Variants in SNX9 observed in about 807,000 individuals in gnomAD.
SNX9 encodes the protein sorting nexin-9.
In SNX9, 44 loss-of-function variants were observed where a neutral mutation model predicts 89.4. The ratio of observed to expected loss-of-function variants is 0.49; its 90% CI spans 0.39 to 0.63. The LOEUF (loss-of-function observed/expected upper bound fraction) is 0.63. Among genes scored for constraint, SNX9 ranks in the 30% least tolerant of loss-of-function variants. SNX9 has a pLI of 0.00. For missense variants in SNX9, 578 were observed against 736.1 expected (o/e 0.79, Z 2.49); for synonymous variants, 236 against 247.8 (o/e 0.95, Z 0.45).
intron 1 of SNX9, chr6:157,830,623 A>C (rs1001681627): frequency 3.9e-5 from 6 of 152,204 alleles, no homozygotes; most frequent in African/African-American, 9.7e-5. Context: ...ATGATGTTCT[A>C]CATCTGTGCC....
intron 9 of SNX9, among the ~76,000 whole-genome samples, chr6:157,915,899 C>T (rs2115186299): frequency 6.7e-6 from 1 of 150,094 alleles, no homozygotes; most frequent in African/African-American, 2.4e-5. Flanking sequence ...TTTAAATTTC[C>T]ATTTTCTAGT....
intron 1 of SNX9, among the ~76,000 whole-genome samples, chr6:157,855,899 G>C (rs1782000402): frequency 6.6e-6 from 1 of 152,134 alleles, no homozygotes; most frequent in South Asian, 2.1e-4. Flanking sequence ...ACCACGCCAA[G>C]CTAATATTTT....
At chr6:157,894,156 C>G (rs1782926232) in intron 4 of SNX9, among the ~76,000 whole-genome samples, 1 of 126,516 alleles carries the variant, frequency 7.9e-6, no homozygotes, top group South Asian at 2.6e-4. Flanking sequence ...GTCGCCCAGT[C>G]TGGAGTGCAG....
chr6:157,861,438 C>T (rs555432102), intron 1 of SNX9, among the ~76,000 whole-genome samples: 33 of 152,292 alleles, frequency 2.2e-4, no homozygotes, highest in African/African-American at 7.0e-4. Flanking sequence ...AGAAAGCGTG[C>T]TCATCAGGCT....
intron 5 of SNX9, among the ~76,000 whole-genome samples, chr6:157,898,340 G>A (rs889183384): frequency 8.5e-5 from 13 of 152,208 alleles, no homozygotes; most frequent in African/African-American, 2.7e-4. Flanking sequence ...CAGAATGGGC[G>A]GTGGAGGCTG....
intron 3 of SNX9, among the ~76,000 whole-genome samples, chr6:157,873,389 A>G (rs1457118626): frequency 6.6e-6 from 1 of 150,392 alleles, no homozygotes; most frequent in African/African-American, 2.4e-5. Flanking sequence ...ATGACTACAG[A>G]TATTTAGGTT....
In SNX9 at chr6:157,906,120, A is replaced by T; in HGVS notation, c.621-8A>T. ...TTAAGACTGATGAACATTTATATTCATGATTAGATTTCCTGGATTTGCGAA... is the reference window on the plus strand; with the variant it reads ...TTAAGACTGATGAACATTTATATTCTTGATTAGATTTCCTGGATTTGCGAA... On this transcript the variant is annotated splice_polypyrimidine_tract_variant and splice_region_variant and intron_variant, in intron 6 of 17. Transcript: ENST00000392185. 2 of 1,608,846 alleles carry T rather than the reference A, an allele frequency of 1.2e-6. No homozygotes were observed. Among genetic ancestry groups the T allele is most frequent in the Non-Finnish European group, 8.5e-7 (1 of 1,177,626 alleles).
chr6:157,899,812 T>C (rs1783056194), intron 5 of SNX9, among the ~76,000 whole-genome samples: 1 of 152,136 alleles, frequency 6.6e-6, no homozygotes, highest in African/African-American at 2.4e-5. Flanking sequence ...TACAGCGTGA[T>C]GTTGTAATAT....
intron 2 of SNX9, among the ~76,000 whole-genome samples, chr6:157,867,874 G>C (rs544572803): frequency 9.9e-5 from 15 of 152,250 alleles, no homozygotes; most frequent in Middle Eastern, 6.8e-3. Context: ...AGACAGTTAT[G>C]TATGTAATTG....
intron 1 of SNX9, among the ~76,000 whole-genome samples, chr6:157,852,511 C>T (rs1250440469): frequency 6.6e-6 from 1 of 152,180 alleles, no homozygotes; most frequent in Admixed American, 6.5e-5. Context: ...TCAAATACTA[C>T]AGCACCTCAC....
At chr6:157,881,748 A>G (rs1022566585) in intron 4 of SNX9, among the ~76,000 whole-genome samples, 2 of 152,246 alleles carry the variant, frequency 1.3e-5, no homozygotes, top group Non-Finnish European at 2.9e-5. Context: ...CCTAATGCAG[A>G]GCAAGGTCTT....
At chr6:157,929,705 T>G (rs1334450839) in intron 12 of SNX9, among the ~76,000 whole-genome samples, 1 of 152,342 alleles carries the variant, frequency 6.6e-6, no homozygotes, top group East Asian at 1.9e-4. Context: ...GTTCTTGTAA[T>G]GATTTTTTTA....
At chr6:157,903,528 G>A (rs940151480) in intron 6 of SNX9, among the ~76,000 whole-genome samples, 2 of 152,154 alleles carry the variant, frequency 1.3e-5, no homozygotes, top group African/African-American at 4.8e-5. Flanking sequence ...TTTCAGTCAT[G>A]GTCAGTAGTG....
At chr6:157,928,551 A>C in intron 11 of SNX9, 48 bp from the exon 12 acceptor site, 1 of 1,449,778 alleles carries the variant, frequency 6.9e-7, no homozygotes, top group African/African-American at 1.4e-5. Context: ...TCCCCACAGC[A>C]GTGCTGTTTC....
chr6:157,915,913 G>GGA (rs1783459719), intron 9 of SNX9, among the ~76,000 whole-genome samples: 1 of 149,698 alleles, frequency 6.7e-6, no homozygotes, highest in Non-Finnish European at 1.5e-5. Flanking sequence ...TTCTAGTTAT[G>GGA]TATTGCATAT....
chr6:157,922,821 T>A (rs1038230493), intron 10 of SNX9, among the ~76,000 whole-genome samples: 1 of 152,240 alleles, frequency 6.6e-6, no homozygotes, highest in Non-Finnish European at 1.5e-5. Flanking sequence ...GGGTACTCAG[T>A]CACACTGTGT....
intron 1 of SNX9, among the ~76,000 whole-genome samples, chr6:157,826,775 AATATATTATATTATATAT>A (rs1367753502): frequency 1.8e-5 from 2 of 111,764 alleles, no homozygotes; most frequent in South Asian, 2.3e-4. Context: ...ATGATATATA[AATATATTATATTATATAT>A]ATATATTATA....
chr6:157,928,717 C>A lies in SNX9; in HGVS notation c.1288+15C>A. The A allele has an allele frequency of 1.3e-6, 2 of 1,568,896 alleles. No individual in the cohort carries two copies. The highest frequency in any genetic ancestry group is 2.4e-5 in the East Asian group (1 of 42,450). ...CTGCACGGGCCGTAAGTCCACTCCT[C>A]ACAGTGCACTGGGCTCGTAGGGGGT... is the stretch of plus-strand genomic sequence containing the variant. On this transcript the variant is annotated intron_variant, in intron 12 of 17. Coordinates refer to ENST00000392185, the MANE Select transcript of SNX9 (RefSeq NM_016224.5).
In SNX9 at chr6:157,909,787, T is replaced by A. The variant is rs374830602; in HGVS notation, c.828T>A (p.Pro276=). 210 of 1,613,912 alleles carry A rather than the reference T, an allele frequency of 1.3e-4. No individual in the cohort carries two copies. The highest frequency in any genetic ancestry group is 1.7e-4 in the Non-Finnish European group (204 of 1,180,002). Residue 276 remains proline (P), a synonymous_variant, in exon 8 of 18, where the codon CCT becomes CCA. Transcript: ENST00000392185. The part of the protein sequence containing the change: ...LKSYIEYQLT[P]TNTNRSVNHR... ...GCTACATCGAATATCAGCTAACACC[T>A]ACTGTAAGTATCCACGTTATCAAAA...
Sources: gnomAD v4.1 joint callset for allele counts (sites outside exome capture counted in the v4.1 genomes callset) on GRCh38, gnomAD v4.1.1 for gene constraint, MANE v1.5 for transcripts, NCBI Gene and HGNC (gene_info 2026-07-23, HGNC 2026-07-21) for gene names.